Variants in ZNF609 observed in about 807,000 individuals in gnomAD.
ZNF609 encodes the protein zinc finger protein 609.
Under a neutral mutation model 109.5 loss-of-function variants are expected in ZNF609, and 11 were observed. The observed-to-expected ratio is 0.10, with a 90% CI of 0.06 to 0.17. The LOEUF (loss-of-function observed/expected upper bound fraction) is 0.17, where lower values mean the gene tolerates loss of function less well. Ranked by LOEUF, ZNF609 falls within the 10% of genes least tolerant of loss-of-function variation. The pLI is 1.00. For synonymous variants in ZNF609, 646 were observed against 662.0 expected (o/e 0.98, Z 0.37); for missense variants, 1,559 against 1,772.4 (o/e 0.88, Z 2.16).
intron 2 of ZNF609, chr15:64,528,920 GT>G: frequency 8.4e-7 from 1 of 1,185,912 alleles, no homozygotes; most frequent in South Asian, 1.3e-5. Context: ...ATATTGGCAG[GT>G]TTTTCCAGAC....
intron 2 of ZNF609, among the ~76,000 whole-genome samples, chr15:64,547,797 G>C (rs1311447451): frequency 6.6e-6 from 1 of 152,082 alleles, no homozygotes; most frequent in Non-Finnish European, 1.5e-5. Context: ...TTCTAGTGGG[G>C]GGAATACATA....
At chr15:64,477,474 A>C (rs1893190261) in intron 1 of ZNF609, among the ~76,000 whole-genome samples, 1 of 151,668 alleles carries the variant, frequency 6.6e-6, no homozygotes, top group African/African-American at 2.4e-5. Flanking sequence ...CTTCTACTTC[A>C]TTATTTTTCT....
rs142492142 is a variant in ZNF609, at chr15:64,599,635, A to G, written c.748-23192A>G. ...TTATTCCTAGGAGCCCTCCTTTTCA[A>G]TCTCTCTAGTTTACTCCCCTCCTTC... On this transcript the variant is annotated intron_variant, in intron 2 of 9. Transcript: ENST00000326648. Among the ~76,000 whole-genome samples the G allele has an allele frequency of 3.4e-3, 510 of 151,754 alleles. 4 individuals carry two copies. The highest frequency in any genetic ancestry group is 0.012 in the African/African-American group (492 of 41,364).
chr15:64,515,123 T>C (rs1893787530), intron 2 of ZNF609, among the ~76,000 whole-genome samples: 1 of 152,222 alleles, frequency 6.6e-6, no homozygotes, highest in Non-Finnish European at 1.5e-5. Flanking sequence ...CGTTTTCATA[T>C]GTTCTACCTG....
intron 2 of ZNF609, among the ~76,000 whole-genome samples, chr15:64,509,709 A>G (rs1022741487): frequency 6.6e-6 from 1 of 152,224 alleles, no homozygotes; most frequent in Non-Finnish European, 1.5e-5. Context: ...GTTGAGAACC[A>G]TGGCTTTTGT....
At chr15:64,474,916 C>G (rs997677566) in intron 1 of ZNF609, among the ~76,000 whole-genome samples, 1 of 151,978 alleles carries the variant, frequency 6.6e-6, no homozygotes, top group Non-Finnish European at 1.5e-5. Context: ...CAAACCTGGC[C>G]TTCCTCAACC....
intron 2 of ZNF609, among the ~76,000 whole-genome samples, chr15:64,533,883 G>A (rs1342532798): frequency 6.6e-6 from 1 of 152,014 alleles, no homozygotes; most frequent in African/African-American, 2.4e-5. Flanking sequence ...GATTTGCCTT[G>A]TTTTGCTTGT....
intron 2 of ZNF609, among the ~76,000 whole-genome samples, chr15:64,583,562 AC>A (rs1895147267): frequency 6.6e-6 from 1 of 151,910 alleles, no homozygotes; most frequent in Admixed American, 6.6e-5. Flanking sequence ...AGAGGAATCA[AC>A]CCATCTTTTG....
intron 3 of ZNF609, among the ~76,000 whole-genome samples, chr15:64,647,110 T>C (rs1896347528): frequency 6.6e-6 from 1 of 150,570 alleles, no homozygotes; most frequent in Admixed American, 6.6e-5. Context: ...CCATCCAGCC[T>C]GGGGGACAGA....
intron 1 of ZNF609, among the ~76,000 whole-genome samples, chr15:64,482,808 G>C (rs924798834): frequency 2.0e-5 from 3 of 152,192 alleles, no homozygotes; most frequent in Non-Finnish European, 4.4e-5. Context: ...AGGAAGGTCA[G>C]ACCAAAGACT....
At chr15:64,598,764 A>G (rs1311681429) in intron 2 of ZNF609, among the ~76,000 whole-genome samples, 11 of 126,470 alleles carry the variant, frequency 8.7e-5, no homozygotes, top group Non-Finnish European at 1.3e-4. Context: ...ATATATATAT[A>G]TATATATATA....
intron 8 of ZNF609, 61 bp from the exon 9 acceptor site, chr15:64,681,248 G>A (rs1387214799): frequency 2.6e-6 from 4 of 1,522,404 alleles, no homozygotes; most frequent in Non-Finnish European, 3.6e-6. Context: ...AAAACTCAGG[G>A]AAAAAGATTA....
chr15:64,487,591 C>T (rs1378396412), intron 1 of ZNF609, among the ~76,000 whole-genome samples: 2 of 152,008 alleles, frequency 1.3e-5, no homozygotes, highest in East Asian at 3.8e-4. Flanking sequence ...CTGCTTTTTT[C>T]ACCTTTGATT....
chr15:64,598,761 T>C (rs934363651), intron 2 of ZNF609, among the ~76,000 whole-genome samples: 5 of 125,276 alleles, frequency 4.0e-5, no homozygotes, highest in Admixed American at 3.9e-4. Flanking sequence ...TATATATATA[T>C]ATATATATAT....
In ZNF609 at chr15:64,676,054, C is replaced by T. The variant is rs879136204; in HGVS notation, c.3200C>T (p.Ala1067Val). The change falls in exon 5 of 10, where the codon GCC becomes GTC. Residue 1067 changes from alanine (A) to valine (V), a missense_variant. By Grantham distance (64) the Ala-to-Val change is moderately conservative. Around this residue, in one of 4 missense-constraint regions of ZNF609, gnomAD observed 1,204 missense variants for 1,314.1 expected, o/e 0.92. Transcript: ENST00000326648. Reference sequence around the variant, plus strand: ...CTGGTGAAATCAGGACCTGGCAAGGCCAAGGAGCCAGGGGCTGACCCAGCC... The same window carrying T: ...CTGGTGAAATCAGGACCTGGCAAGGTCAAGGAGCCAGGGGCTGACCCAGCC... ...TDLVKSGPGK[A>V]KEPGADPAKS... The T allele has an allele frequency of 1.2e-6, 2 of 1,614,210 alleles. No individual in the cohort carries two copies. Among genetic ancestry groups the T allele is most frequent in the South Asian group, 1.1e-5 (1 of 91,082 alleles).
chr15:64,527,563 C>T (rs1893985370), intron 2 of ZNF609, among the ~76,000 whole-genome samples: 1 of 152,128 alleles, frequency 6.6e-6, no homozygotes, highest in South Asian at 2.1e-4. Context: ...ACCATGATTT[C>T]CAGTTGCCTA....
intron 2 of ZNF609, among the ~76,000 whole-genome samples, chr15:64,578,875 G>A (rs1895046366): frequency 1.3e-5 from 2 of 151,982 alleles, no homozygotes; most frequent in Admixed American, 6.6e-5. Context: ...TGGCATGTGC[G>A]TGTAGTCCTG....
chr15:64,668,539 A>T (rs746496901), intron 3 of ZNF609, among the ~76,000 whole-genome samples: 4 of 152,128 alleles, frequency 2.6e-5, no homozygotes, highest in Non-Finnish European at 4.4e-5. Context: ...GCCAAGGCAG[A>T]TGGATTGCTT....
intron 2 of ZNF609, among the ~76,000 whole-genome samples, chr15:64,527,478 T>A (rs1475062825): frequency 6.6e-6 from 1 of 151,988 alleles, no homozygotes; most frequent in Non-Finnish European, 1.5e-5. Context: ...TACACAATTA[T>A]TATTTCAAAG....
Sources: allele counts gnomAD v4.1 joint callset (sites outside exome capture counted in the v4.1 genomes callset), GRCh38; gene constraint gnomAD v4.1.1; regional missense constraint gnomAD v4.1.1; transcripts MANE v1.5; gene names NCBI Gene and HGNC (gene_info 2026-07-23, HGNC 2026-07-21).